Variants in ERC1 observed in about 807,000 individuals in gnomAD.
The protein encoded by ERC1 is RAB6 interacting protein 2.
A neutral mutation model predicts 132.0 loss-of-function variants in ERC1; 56 were observed. The observed-to-expected ratio is 0.42, with a 90% confidence interval of 0.34 to 0.53. The LOEUF is 0.53. Ranked by LOEUF, ERC1 falls within the 20% of genes least tolerant of loss-of-function variation. The pLI is 0.03. For synonymous variants in ERC1, 478 were observed against 476.1 expected, an observed-to-expected ratio of 1.00 and a Z score of -0.05; for missense variants, 1,202 against 1,349.9, an observed-to-expected ratio of 0.89 and a Z score of 1.72.
intron 1 of ERC1, among the ~76,000 whole-genome samples, chr12:1,014,364 C>T (rs981868397): frequency 5.3e-5 from 8 of 151,558 alleles, no homozygotes; most frequent in Admixed American, 3.3e-4. Flanking sequence ...TTGGTAGAGA[C>T]GGGGTTTCAC....
intron 2 of ERC1, among the ~76,000 whole-genome samples, chr12:1,042,220 G>A (rs958460384): frequency 6.6e-6 from 1 of 151,862 alleles, no homozygotes; most frequent in African/African-American, 2.4e-5. Flanking sequence ...TGTATTTTTA[G>A]TAGAGACGGG....
chr12:1,158,028 C>T (rs909838436), intron 8 of ERC1, among the ~76,000 whole-genome samples: 2 of 152,036 alleles, frequency 1.3e-5, no homozygotes, highest in Non-Finnish European at 2.9e-5. Context: ...AAGTGTAATC[C>T]GTCACTTTAT....
At chr12:1,034,965 A>T (rs1968785318) in intron 2 of ERC1, among the ~76,000 whole-genome samples, 2 of 152,206 alleles carry the variant, frequency 1.3e-5, no homozygotes, top group African/African-American at 2.4e-5. Flanking sequence ...CCTTGCCCTA[A>T]TTAAACACCA....
chr12:1,452,954 C>T (rs150909659), intron 18 of ERC1, among the ~76,000 whole-genome samples: 4 of 152,164 alleles, frequency 2.6e-5, no homozygotes, highest in African/African-American at 7.2e-5. Flanking sequence ...CACTTTCATA[C>T]GTTTAATGTG....
At chr12:1,016,618 A>G (rs73033109) in intron 1 of ERC1, among the ~76,000 whole-genome samples, 1 of 148,234 alleles carries the variant, frequency 6.7e-6, no homozygotes, top group Non-Finnish European at 1.5e-5. Flanking sequence ...AACCATTGGG[A>G]TCAGTGCTTT....
intron 16 of ERC1, among the ~76,000 whole-genome samples, chr12:1,406,526 T>C (rs1172848870): frequency 6.6e-6 from 1 of 152,216 alleles, no homozygotes; most frequent in Non-Finnish European, 1.5e-5. Flanking sequence ...CCACTTTTTA[T>C]GTTCACAGGG....
At chr12:1,036,524 G>A (rs977182571) in intron 2 of ERC1, among the ~76,000 whole-genome samples, 3 of 152,026 alleles carry the variant, frequency 2.0e-5, no homozygotes, top group Non-Finnish European at 2.9e-5. Context: ...GCAGGTGCAC[G>A]CCACCACGCC....
At chr12:1,489,781 C>T (rs1438673171) in intron 18 of ERC1, among the ~76,000 whole-genome samples, 4 of 152,164 alleles carry the variant, frequency 2.6e-5, no homozygotes, top group African/African-American at 4.8e-5. Flanking sequence ...GCCCCTCTCT[C>T]CTGCTCTCAT....
intron 15 of ERC1, among the ~76,000 whole-genome samples, chr12:1,305,754 C>A (rs1845292703): frequency 6.6e-6 from 1 of 152,106 alleles, no homozygotes; most frequent in Non-Finnish European, 1.5e-5. Flanking sequence ...TTCTCCTTCT[C>A]TCCTAATTTT....
rs1487708834 is a variant in ERC1, at chr12:1,196,972, ATATAT to A, written c.2351+6922_2351+6926del. On this transcript the variant is annotated intron_variant, in intron 12 of 18. Coordinates refer to ENST00000360905, the MANE Select transcript of ERC1 (RefSeq NM_178040.4). ...CACACACACACACACATATATATATATATATTTTTTTTTTTTTTTTTTTTTTAAGA... is the reference window on the plus strand; with the variant it reads ...CACACACACACACACATATATATATATTTTTTTTTTTTTTTTTTTTTAAGA... Among the ~76,000 whole-genome samples the A allele has an allele frequency of 8.6e-4, 50 of 58,264 alleles. 3 individuals carry two copies. The highest frequency in any genetic ancestry group is 3.7e-3 in the East Asian group (12 of 3,244). The allele number at this position is 58,264 out of a possible 152,430, so 38.2% of individuals were successfully genotyped here. A position where few individuals can be genotyped will look rare whatever the true frequency, so the allele number is the denominator to read the frequency against.
intron 12 of ERC1, among the ~76,000 whole-genome samples, chr12:1,216,044 G>T (rs911418246): frequency 5.3e-5 from 8 of 152,016 alleles, no homozygotes; most frequent in Non-Finnish European, 1.0e-4. Flanking sequence ...AAATGTTTTT[G>T]TATGAAAATA....
Position 1,134,544 on chromosome 12 carries a change from G to A in ERC1, c.1570-7076G>A, listed in dbSNP as rs1949073251. 1.3e-5 allele frequency among the ~76,000 whole-genome samples: 2 copies of A among 151,770 alleles called. 1 individual carries two copies. The highest frequency in any genetic ancestry group is 4.2e-4 in the South Asian group (2 of 4,812). ...AAAAATTTTTTTTTGTAGAGATAGT[G>A]TCTTGCTATGTTGCCCAGGGAGGTC... is the stretch of plus-strand genomic sequence containing the variant. On this transcript the variant is annotated intron_variant, in intron 7 of 18. Transcript: ENST00000360905.
intron 15 of ERC1, among the ~76,000 whole-genome samples, chr12:1,299,541 A>T (rs1219301254): frequency 1.3e-5 from 2 of 152,198 alleles, no homozygotes; most frequent in African/African-American, 4.8e-5. Context: ...GTATTAGAAA[A>T]GAAGAAAAGT....
At chr12:1,262,282 T>C (rs1289379504) in intron 13 of ERC1, among the ~76,000 whole-genome samples, 1 of 152,204 alleles carries the variant, frequency 6.6e-6, no homozygotes, top group Non-Finnish European at 1.5e-5. Flanking sequence ...TCTTAAGATC[T>C]CTCCTATCTT....
chr12:1,222,921 G>A (rs2074285348), intron 12 of ERC1, among the ~76,000 whole-genome samples: 1 of 152,142 alleles, frequency 6.6e-6, no homozygotes, highest in Admixed American at 6.5e-5. Context: ...TAAGATACAA[G>A]GAAGATATTT....
rs118113082 is a variant in ERC1, at chr12:1,221,010, G to A, written c.2352-15759G>A. Among the ~76,000 whole-genome samples the A allele has an allele frequency of 1.2e-3, 181 of 151,902 alleles. 1 individual carries two copies. In the East Asian group the frequency reaches 0.016, roughly 14 times the overall value. The stretch of plus-strand genomic sequence containing the variant: ...AGCACTTAATTTAAATTCCAATCCC[G>A]CCACCCATTCCTACACACCTTATCT... On this transcript the variant is annotated intron_variant, in intron 12 of 18. Transcript: ENST00000360905.
chr12:1,046,912 G>C (rs114008705), intron 2 of ERC1, among the ~76,000 whole-genome samples: 1 of 152,236 alleles, frequency 6.6e-6, no homozygotes, highest in African/African-American at 2.4e-5. Flanking sequence ...AGGATGTGAC[G>C]CACCCTTCAC....
intron 1 of ERC1, among the ~76,000 whole-genome samples, chr12:1,023,300 A>ATG (rs1966641815): frequency 6.6e-6 from 1 of 152,156 alleles, no homozygotes; most frequent in Non-Finnish European, 1.5e-5. Flanking sequence ...TTTTGATAAT[A>ATG]TGTGTGTATA....
At chr12:1,127,008 A>AAC (rs1948257140) in intron 7 of ERC1, among the ~76,000 whole-genome samples, 1 of 150,032 alleles carries the variant, frequency 6.7e-6, no homozygotes, top group African/African-American at 2.5e-5. Flanking sequence ...AAAAAAAAAA[A>AAC]AAAAACCTCA....
Sources: allele counts gnomAD v4.1 joint callset (sites outside exome capture counted in the v4.1 genomes callset), GRCh38; gene constraint gnomAD v4.1.1; transcripts MANE v1.5; gene names NCBI Gene and HGNC (gene_info 2026-07-23, HGNC 2026-07-21).